AKAP13: variants seen among roughly 807,000 people sequenced by gnomAD.
AKAP13 encodes A-kinase anchor protein 13.
In AKAP13, 80 loss-of-function variants were observed where a neutral mutation model predicts 264.5. That is an observed-to-expected ratio of 0.30 (90% CI 0.25 to 0.36). The LOEUF (loss-of-function observed/expected upper bound fraction) is 0.36. Ranked by LOEUF, AKAP13 falls within the 10% of genes least tolerant of loss-of-function variation. The pLI is 1.00. For synonymous variants in AKAP13, 1,380 were observed against 1,250.2 expected, an observed-to-expected ratio of 1.10 and a Z score of -2.19; for missense variants, 3,712 against 3,435.2, an observed-to-expected ratio of 1.08 and a Z score of -2.01.
chr15:85,531,979 G>A (rs895117639), intron 3 of AKAP13, among the ~76,000 whole-genome samples: 1 of 152,156 alleles, frequency 6.6e-6, no homozygotes, highest in African/African-American at 2.4e-5. Context: ...AATAGACCAT[G>A]TCCTTTGGCA....
At chr15:85,408,296 G>T (rs1253124721) in intron 1 of AKAP13, among the ~76,000 whole-genome samples, 1 of 151,732 alleles carries the variant, frequency 6.6e-6, no homozygotes, top group East Asian at 1.9e-4. Flanking sequence ...AATGTTAATT[G>T]TGGTAAACAC....
At chr15:85,452,914 G>A (rs564512827) in intron 1 of AKAP13, among the ~76,000 whole-genome samples, 2 of 152,254 alleles carry the variant, frequency 1.3e-5, no homozygotes, top group East Asian at 3.9e-4. Flanking sequence ...CTTATTAGTG[G>A]TTTTGGCCAA....
chr15:85,661,800 C>T (rs2083359758), intron 12 of AKAP13, among the ~76,000 whole-genome samples: 1 of 151,546 alleles, frequency 6.6e-6, no homozygotes, highest in African/African-American at 2.4e-5. Flanking sequence ...ACGTAACAGC[C>T]TAGTGAGTAG....
rs371147388 is a variant in AKAP13, at chr15:85,585,331, G to C, written c.4040-371G>C. On this transcript the variant is annotated intron_variant, in intron 7 of 36. Coordinates refer to ENST00000394518, the MANE Select transcript of AKAP13 (RefSeq NM_007200.5). ...TTGCTTTTTTGATGATGGCCAAGAT[G>C]GACTACCTAGCTTCAGCTATTAATC... 3.3e-5 allele frequency among the ~76,000 whole-genome samples: 5 copies of C among 152,072 alleles called. 2 individuals are homozygous for C. In the East Asian group the frequency reaches 9.6e-4, roughly 29 times the overall value.
In AKAP13 at chr15:85,579,482, A is replaced by G; in HGVS notation, c.1414A>G (p.Asn472Asp). ...TGAACTGGGAGGCATTTCAACAACAAATGTCAGTACCCCAGACACTGCAGG... is the reference window on the plus strand; with the variant it reads ...TGAACTGGGAGGCATTTCAACAACAGATGTCAGTACCCCAGACACTGCAGG... Reference protein sequence around the residue: ...GGELGGISTTNVSTPDTAGEM... With the variant: ...GGELGGISTTDVSTPDTAGEM... The change falls in exon 7 of 37, where the codon AAT becomes GAT. Residue 472 changes from asparagine to aspartate, a missense_variant. Asn to Asp is a conservative substitution (Grantham distance 23). This residue lies in a region of AKAP13 where 2,759 missense variants were observed against 2,411.7 expected (regional missense o/e 1.14). Transcript: ENST00000394518. 6.2e-7 allele frequency: 1 copy of G among 1,614,122 alleles called. No homozygotes were observed.
intron 35 of AKAP13, 129 bp downstream of exon 35, chr15:85,741,624 C>T: frequency 1.4e-6 from 2 of 1,385,718 alleles, no homozygotes; most frequent in East Asian, 5.3e-5. Context: ...GCCTGTGATC[C>T]CAGCACTTTA....
chr15:85,575,090 G>A (rs373358219), intron 5 of AKAP13, 41 bp from the exon 6 acceptor site: 219 of 1,591,872 alleles, frequency 1.4e-4, no homozygotes, highest in Non-Finnish European at 1.8e-4. Context: ...ATGCCTGGGA[G>A]GCAGAATGTA....
intron 8 of AKAP13, among the ~76,000 whole-genome samples, chr15:85,592,046 C>CTT (rs386383662): frequency 0.036 from 3,788 of 105,240 alleles, 116 homozygotes; most frequent in Middle Eastern, 0.079. Context: ...GAACCATGAT[C>CTT]TTTTTTTTTT....
intron 1 of AKAP13, among the ~76,000 whole-genome samples, chr15:85,436,993 G>C (rs1371897851): frequency 5.5e-4 from 82 of 149,144 alleles, no homozygotes; most frequent in African/African-American, 2.0e-3. Flanking sequence ...AGGAAATAGA[G>C]ACACAAAAAA....
intron 4 of AKAP13, among the ~76,000 whole-genome samples, chr15:85,540,120 A>G (rs545684189): frequency 6.6e-6 from 1 of 152,184 alleles, no homozygotes; most frequent in Non-Finnish European, 1.5e-5. Context: ...AATAAGTCCA[A>G]AATTTGTAGG....
chr15:85,466,377 T>G (rs62022112), intron 1 of AKAP13, among the ~76,000 whole-genome samples: 21,016 of 152,116 alleles, frequency 0.14, 1,858 homozygotes, highest in Non-Finnish European at 0.21. Flanking sequence ...ATTTGTCAAT[T>G]TTGGCTTTTG....
chr15:85,462,548 A>G (rs1339477303), intron 1 of AKAP13, among the ~76,000 whole-genome samples: 1 of 152,204 alleles, frequency 6.6e-6, no homozygotes, highest in African/African-American at 2.4e-5. Context: ...AGTGTGACCC[A>G]TTCTCAAGAG....
intron 4 of AKAP13, among the ~76,000 whole-genome samples, chr15:85,538,120 G>A (rs1056651765): frequency 6.6e-6 from 1 of 152,104 alleles, no homozygotes; most frequent in African/African-American, 2.4e-5. Context: ...TAAGCTAGGG[G>A]GGTGTTTTCC....
At position 85,724,205 on chromosome 15, in the gene AKAP13, T is replaced by C. The variant is rs1015282019; in HGVS notation, c.6745+885T>C. On this transcript the variant is annotated intron_variant, in intron 26 of 36. Coordinates refer to ENST00000394518, the MANE Select transcript of AKAP13 (RefSeq NM_007200.5). The surrounding 1 kb of genome is among the most constrained non-coding windows in gnomAD (Gnocchi z 4.2). ...TAAGTGATGATGTAGATAACTGCTA[T>C]AGGAAATGCCCACGCATAGAACAAA... 5.3e-5 allele frequency among the ~76,000 whole-genome samples: 8 copies of C among 152,174 alleles called. No homozygotes were observed. The highest frequency in any genetic ancestry group is 1.7e-4 in the African/African-American group (7 of 41,454).
chr15:85,645,679 TAAG>T (rs997009874), intron 9 of AKAP13, 136 bp from the exon 10 acceptor site: 123 of 905,112 alleles, frequency 1.4e-4, no homozygotes, highest in East Asian at 3.1e-4. Context: ...AAAAAAGAAA[TAAG>T]GAGGGAAGGA....
chr15:85,461,563 C>G (rs1189745576), intron 1 of AKAP13, among the ~76,000 whole-genome samples: 25 of 151,954 alleles, frequency 1.6e-4, no homozygotes. Flanking sequence ...CCAAATCCCC[C>G]TATTTATTTT....
chr15:85,648,435 A>G (rs2082657439), intron 10 of AKAP13, among the ~76,000 whole-genome samples: 1 of 152,228 alleles, frequency 6.6e-6, no homozygotes, highest in South Asian at 2.1e-4. Context: ...AAGGAGAATT[A>G]GAATTTTCTA....
chr15:85,632,522 G>A (rs968822981), intron 8 of AKAP13, among the ~76,000 whole-genome samples: 3 of 152,134 alleles, frequency 2.0e-5, no homozygotes, highest in African/African-American at 7.2e-5. Context: ...GACCATCAGG[G>A]CTTTTGCTGA....
At chr15:85,547,453 C>T (rs2077793073) in intron 5 of AKAP13, among the ~76,000 whole-genome samples, 1 of 148,886 alleles carries the variant, frequency 6.7e-6, no homozygotes, top group South Asian at 2.1e-4. Flanking sequence ...ATTAGCCATT[C>T]TTGGACATAT....
Sources: allele counts gnomAD v4.1 joint callset (sites outside exome capture counted in the v4.1 genomes callset), GRCh38; gene constraint gnomAD v4.1.1; regional missense constraint gnomAD v4.1.1; non-coding constraint Gnocchi (gnomAD v3.1); transcripts MANE v1.5; gene names NCBI Gene and HGNC (gene_info 2026-07-23, HGNC 2026-07-21).